KCNT2: variants seen among roughly 807,000 people sequenced by gnomAD.
The protein encoded by KCNT2 is potassium sodium-activated channel subfamily T member 2.
Under a neutral mutation model 153.8 loss-of-function variants are expected in KCNT2, and 67 were observed. The observed-to-expected ratio is 0.44, with a 90% CI of 0.36 to 0.53. KCNT2 has a LOEUF of 0.53. Ranked by LOEUF, KCNT2 falls within the 20% of genes least tolerant of loss-of-function variation. KCNT2 has a pLI of 0.00. For synonymous variants in KCNT2, 500 were observed against 458.8 expected (o/e 1.09, Z -1.15); for missense variants, 975 against 1,354.8 (o/e 0.72, Z 4.40).
At chr1:196,585,690 T>G (rs1452268935) in intron 1 of KCNT2, among the ~76,000 whole-genome samples, 1 of 152,132 alleles carries the variant, frequency 6.6e-6, no homozygotes, top group East Asian at 1.9e-4. Context: ...TAGAGTATTT[T>G]TTTCTTGTAA....
intron 1 of KCNT2, among the ~76,000 whole-genome samples, chr1:196,522,418 A>C (rs1263390602): frequency 1.3e-5 from 2 of 152,230 alleles, no homozygotes; most frequent in Non-Finnish European, 2.9e-5. Context: ...GTTCTAATAC[A>C]AATAGTAAAA....
intron 25 of KCNT2, among the ~76,000 whole-genome samples, chr1:196,265,606 C>T (rs1026543313): frequency 1.4e-4 from 21 of 152,244 alleles, no homozygotes; most frequent in African/African-American, 5.1e-4. Flanking sequence ...AGGAAAAATA[C>T]CTGTTACTTT....
At chr1:196,413,402 TC>T (rs1452003914) in intron 12 of KCNT2, among the ~76,000 whole-genome samples, 1 of 151,694 alleles carries the variant, frequency 6.6e-6, no homozygotes, top group East Asian at 1.9e-4. Flanking sequence ...AATGTTTGGA[TC>T]CTTTTTTTCC....
At chr1:196,480,253 C>T (rs1267181201) in intron 4 of KCNT2, among the ~76,000 whole-genome samples, 1 of 152,074 alleles carries the variant, frequency 6.6e-6, no homozygotes, top group Non-Finnish European at 1.5e-5. Flanking sequence ...AGGTTTAAGA[C>T]TATTCGAATG....
chr1:196,520,827 C>T (rs1046003339), intron 1 of KCNT2, among the ~76,000 whole-genome samples: 7 of 152,228 alleles, frequency 4.6e-5, no homozygotes, highest in Non-Finnish European at 7.4e-5. Flanking sequence ...AAATGTAAAA[C>T]CCAAAACTAT....
chr1:196,492,117 A>C lies in KCNT2; in HGVS notation c.175+145T>G, dbSNP rs1679902745. The C allele has an allele frequency of 3.9e-6, 3 of 765,942 alleles. No individual in the cohort carries two copies. In the South Asian group the frequency reaches 6.8e-5, roughly 17 times the overall value. The allele number at this position is 765,942 out of a possible 1,614,324, so 47.4% of individuals were successfully genotyped here. On this transcript the variant is annotated intron_variant, in intron 2 of 27. Coordinates refer to ENST00000294725, the MANE Select transcript of KCNT2 (RefSeq NM_198503.5). ...ATGTTACCACCTGCTGGAAAAAATA[A>C]CCAATTTTATTCCTCTACCACCTGC...
intron 8 of KCNT2, among the ~76,000 whole-genome samples, chr1:196,437,850 C>G (rs1236765796): frequency 6.6e-6 from 1 of 151,416 alleles, no homozygotes; most frequent in Non-Finnish European, 1.5e-5. Flanking sequence ...AAGCATTGTA[C>G]TGGATGTTAC....
intron 8 of KCNT2, 144 bp from the exon 9 acceptor site, chr1:196,429,901 G>A: frequency 1.7e-6 from 1 of 590,944 alleles, no homozygotes. Flanking sequence ...TTCTAGGAAA[G>A]ATATAATTAG....
intron 14 of KCNT2, among the ~76,000 whole-genome samples, chr1:196,351,169 A>G (rs1666654014): frequency 6.6e-6 from 1 of 152,148 alleles, no homozygotes; most frequent in African/African-American, 2.4e-5. Flanking sequence ...TTGGCTCACA[A>G]TTGACTTGGT....
At chr1:196,560,714 A>C (rs1659270029) in intron 1 of KCNT2, among the ~76,000 whole-genome samples, 1 of 151,826 alleles carries the variant, frequency 6.6e-6, no homozygotes, top group South Asian at 2.1e-4. Flanking sequence ...CCCCCTCTGG[A>C]TAAAAACAAT....
intron 1 of KCNT2, among the ~76,000 whole-genome samples, chr1:196,596,560 A>G (rs2149017842): frequency 6.6e-6 from 1 of 152,116 alleles, no homozygotes; most frequent in East Asian, 1.9e-4. Flanking sequence ...TCCTTTGCCC[A>G]CTTTTTGATG....
chr1:196,504,082 G>GT (rs1433807224), intron 1 of KCNT2, among the ~76,000 whole-genome samples: 2 of 151,862 alleles, frequency 1.3e-5, no homozygotes, highest in African/African-American at 4.8e-5. Flanking sequence ...ATACAAATGG[G>GT]TTTTTTTAAT....
At chr1:196,456,949 G>T (rs1676724253) in intron 8 of KCNT2, among the ~76,000 whole-genome samples, 1 of 151,924 alleles carries the variant, frequency 6.6e-6, no homozygotes, top group East Asian at 1.9e-4. Context: ...ACAACGGTTG[G>T]TCTTAATACA....
At chr1:196,398,215 T>C (rs966298062) in intron 13 of KCNT2, among the ~76,000 whole-genome samples, 1 of 151,492 alleles carries the variant, frequency 6.6e-6, no homozygotes, top group African/African-American at 2.4e-5. Flanking sequence ...CACCCATCTA[T>C]GTGTAAACCT....
At chr1:196,604,113 C>CTA (rs1165209911) in intron 1 of KCNT2, among the ~76,000 whole-genome samples, 6 of 152,196 alleles carry the variant, frequency 3.9e-5, no homozygotes, top group Admixed American at 3.9e-4. Flanking sequence ...TGAGCTATCT[C>CTA]TAATATGTGA....
chr1:196,440,516 G>A (rs1675133410), intron 8 of KCNT2, among the ~76,000 whole-genome samples: 1 of 151,906 alleles, frequency 6.6e-6, no homozygotes, highest in Admixed American at 6.6e-5. Flanking sequence ...AAGAGTTAGG[G>A]TTTCGTGGAA....
rs373470366 is a variant in KCNT2 at position 196,404,300 on chromosome 1, A to AT, written c.1186-5630dup. The AT allele has an allele frequency of 1.0e-3, 162 of 156,718 alleles. 2 individuals carry two copies. The highest frequency in any genetic ancestry group is 3.1e-3 in the South Asian group (15 of 4,900). The allele number at this position is 156,718 out of a possible 1,614,324, so 9.7% of individuals were successfully genotyped here. A position where few individuals can be genotyped will look rare whatever the true frequency, so the allele number is the denominator to read the frequency against. On this transcript the variant is annotated intron_variant, in intron 12 of 27. Transcript: ENST00000294725. ...GTCAGCCTATCTCAAGCTTTATAAC[A>AT]TTTTTTTCACTAATTCTGTAATCTT...
intron 8 of KCNT2, among the ~76,000 whole-genome samples, chr1:196,460,140 C>A (rs1677022682): frequency 1.3e-5 from 2 of 151,480 alleles, no homozygotes; most frequent in Non-Finnish European, 1.5e-5. Flanking sequence ...CAAAATTGGC[C>A]AAAATTTGGT....
At chr1:196,264,806 A>AT (rs1657375922) in intron 25 of KCNT2, among the ~76,000 whole-genome samples, 1 of 151,792 alleles carries the variant, frequency 6.6e-6, no homozygotes, top group African/African-American at 2.4e-5. Context: ...TAATTTTTGT[A>AT]TTTTTGTAGA....
Sources: gnomAD v4.1 joint callset for allele counts (sites outside exome capture counted in the v4.1 genomes callset) on GRCh38, gnomAD v4.1.1 for gene constraint, MANE v1.5 for transcripts, NCBI Gene and HGNC (gene_info 2026-07-23, HGNC 2026-07-21) for gene names.